STRN3: variants seen among roughly 807,000 people sequenced by gnomAD.
The protein encoded by STRN3 is striatin-3.
Under a neutral mutation model 95.6 loss-of-function variants are expected in STRN3, and 29 were observed. The observed-to-expected ratio is 0.30, with a 90% CI of 0.23 to 0.41. STRN3 has a LOEUF of 0.41. Ranked by LOEUF, STRN3 falls within the 10% of genes least tolerant of loss-of-function variation. The probability of loss-of-function intolerance (pLI) is 1.00; values close to 1 mark genes in which losing one functional copy is unlikely to be tolerated. For missense variants in STRN3, 890 were observed against 972.1 expected, an observed-to-expected ratio of 0.92 and a Z score of 1.12; for synonymous variants, 331 against 357.6, an observed-to-expected ratio of 0.93 and a Z score of 0.84.
chr14:31,024,220 A>G (rs917982710), intron 1 of STRN3, among the ~76,000 whole-genome samples: 6 of 152,238 alleles, frequency 3.9e-5, no homozygotes, highest in Admixed American at 3.9e-4. Context: ...AAACTTGCAT[A>G]CAACAGTACA....
chr14:30,985,541 T>C (rs1016993934), intron 1 of STRN3, among the ~76,000 whole-genome samples: 1 of 151,932 alleles, frequency 6.6e-6, no homozygotes, highest in African/African-American at 2.4e-5. Context: ...TGGGCAGAGG[T>C]TGCAGTGAGC....
chr14:30,906,346 A>G (rs1268301339), intron 14 of STRN3, among the ~76,000 whole-genome samples: 1 of 152,244 alleles, frequency 6.6e-6, no homozygotes, highest in Non-Finnish European at 1.5e-5. Context: ...AAAATTTAAA[A>G]TGACTTGGAA....
At chr14:31,000,048 T>C (rs1008083381) in intron 1 of STRN3, among the ~76,000 whole-genome samples, 4 of 152,068 alleles carry the variant, frequency 2.6e-5, no homozygotes, top group Admixed American at 2.6e-4. Flanking sequence ...CCTTTAAAAA[T>C]GAAGGAGAAA....
chr14:30,913,906 A>AAAGCTTTG (rs1284115535), intron 9 of STRN3, among the ~76,000 whole-genome samples: 1 of 151,456 alleles, frequency 6.6e-6, no homozygotes, highest in African/African-American at 2.4e-5. Context: ...CTAGGGCACA[A>AAAGCTTTG]AAGCTTTGTC....
intron 1 of STRN3, among the ~76,000 whole-genome samples, chr14:31,005,106 G>A (rs1030920936): frequency 3.9e-5 from 6 of 152,104 alleles, no homozygotes; most frequent in Non-Finnish European, 4.4e-5. Flanking sequence ...GGCCGAGGTG[G>A]GCAGATCATG....
chr14:30,894,898 T>C lies in STRN3; in HGVS notation c.*513A>G. 2 of 1,050,054 alleles carry C rather than the reference T, an allele frequency of 1.9e-6. No homozygotes were observed. The highest frequency in any genetic ancestry group is 1.6e-5 in the South Asian group (1 of 62,024). 65.0% of individuals were successfully genotyped at this position (1,050,054 alleles called of 1,614,324 possible). ...TTAAGTTAAATTTTCTTTTTCTTTT[T>C]TTTTTTTTTTAAAGCAAAATAAGTT... On this transcript the variant is annotated 3_prime_UTR_variant, in exon 18 of 18. Transcript: ENST00000357479.
intron 1 of STRN3, among the ~76,000 whole-genome samples, chr14:31,008,831 G>A (rs185427485): frequency 2.0e-5 from 3 of 152,170 alleles, no homozygotes; most frequent in East Asian, 1.9e-4. Flanking sequence ...TCAAGGTCAG[G>A]AATTTGAGAC....
rs1407096842 is a variant in STRN3 at position 30,894,972 on chromosome 14, GATGAAAAAAAGCTACTCTTGGAGCTC to G, written c.*413_*438del. On this transcript the variant is annotated 3_prime_UTR_variant, in exon 18 of 18. Transcript: ENST00000357479. ...ACCGATAAACAGAAGATCACTAAGA[GATGAAAAAAAGCTACTCTTGGAGCTC>G]ACTTCCCCCAACAAGAGCACCACAT... The G allele has an allele frequency of 3.1e-6, 3 of 975,338 alleles. No homozygotes were observed. The highest frequency in any genetic ancestry group is 6.5e-5 in the Admixed American group (1 of 15,310). 60.4% of individuals were successfully genotyped at this position (975,338 alleles called of 1,614,324 possible). A position where few individuals can be genotyped will look rare whatever the true frequency, so the allele number is the denominator to read the frequency against.
intron 6 of STRN3, 68 bp from the exon 7 acceptor site, chr14:30,935,372 A>C: frequency 6.6e-7 from 1 of 1,515,068 alleles, no homozygotes; most frequent in African/African-American, 1.4e-5. Context: ...TAATATTGTC[A>C]CATAACTACA....
At chr14:31,007,243 A>T (rs1882760315) in intron 1 of STRN3, among the ~76,000 whole-genome samples, 1 of 152,208 alleles carries the variant, frequency 6.6e-6, no homozygotes, top group Non-Finnish European at 1.5e-5. Flanking sequence ...AAATCTTGAG[A>T]ACAAGTCTAC....
intron 2 of STRN3, among the ~76,000 whole-genome samples, chr14:30,955,898 T>C (rs1175793229): frequency 6.6e-6 from 1 of 152,196 alleles, no homozygotes; most frequent in Non-Finnish European, 1.5e-5. Flanking sequence ...AAAAGATCAA[T>C]TATCCTTTGT....
intron 5 of STRN3, among the ~76,000 whole-genome samples, chr14:30,937,095 A>C (rs1010267422): frequency 3.7e-4 from 56 of 152,040 alleles, no homozygotes; most frequent in African/African-American, 1.3e-3. Context: ...TGAAGAGGGG[A>C]AGATCGCTTG....
At chr14:30,956,274 T>A (rs778291296) in intron 1 of STRN3, 32 bp from the exon 2 acceptor site, 1 of 1,596,528 alleles carries the variant, frequency 6.3e-7, no homozygotes, top group Non-Finnish European at 8.6e-7. Flanking sequence ...TTATTTACAT[T>A]TTCCCTTAAC....
intron 13 of STRN3, 24 bp downstream of exon 13, chr14:30,911,017 A>T (rs982947058): frequency 2.5e-6 from 4 of 1,576,990 alleles, no homozygotes; most frequent in African/African-American, 2.7e-5. Flanking sequence ...CTTAAAAAAA[A>T]TACATTTTGA....
intron 8 of STRN3, among the ~76,000 whole-genome samples, chr14:30,922,799 C>CAAT (rs1401884958): frequency 2.0e-5 from 3 of 151,890 alleles, no homozygotes; most frequent in African/African-American, 7.3e-5. Context: ...TATGAGATCA[C>CAAT]AATAATAAGA....
intron 5 of STRN3, among the ~76,000 whole-genome samples, chr14:30,945,620 T>A (rs770489032): frequency 2.0e-5 from 3 of 151,624 alleles, no homozygotes; most frequent in Non-Finnish European, 4.4e-5. Flanking sequence ...ATAATAATAA[T>A]AAAATAAAAA....
chr14:31,007,949 T>C (rs1253055034), intron 1 of STRN3, among the ~76,000 whole-genome samples: 2 of 151,908 alleles, frequency 1.3e-5, no homozygotes, highest in Non-Finnish European at 2.9e-5. Context: ...TCCAAGCACT[T>C]TGGGAGGCTG....
intron 15 of STRN3, among the ~76,000 whole-genome samples, chr14:30,903,300 T>TA (rs1303874498): frequency 2.0e-5 from 3 of 152,106 alleles, no homozygotes; most frequent in Non-Finnish European, 2.9e-5. Flanking sequence ...GTAGAGTAAT[T>TA]AAAAAAATAG....
chr14:30,970,731 A>G (rs1410183665), intron 1 of STRN3, among the ~76,000 whole-genome samples: 2 of 152,244 alleles, frequency 1.3e-5, no homozygotes, highest in African/African-American at 4.8e-5. Context: ...AGCGATGGTA[A>G]AAGTTAAAGA....
Sources: allele counts gnomAD v4.1 joint callset (sites outside exome capture counted in the v4.1 genomes callset), GRCh38; gene constraint gnomAD v4.1.1; transcripts MANE v1.5; gene names NCBI Gene and HGNC (gene_info 2026-07-23, HGNC 2026-07-21).